The following RIMS2 variants were observed in gnomAD, a reference collection of about 807,000 sequenced individuals.
The protein encoded by RIMS2 is regulating synaptic membrane exocytosis protein 2.
RIMS2 carries 59 observed loss-of-function variants against 174.4 expected under a neutral mutation model. The ratio of observed to expected loss-of-function variants is 0.34; its 90% CI spans 0.27 to 0.42. RIMS2 has a LOEUF of 0.42. RIMS2 is among the 10% of genes least tolerant of loss of function. RIMS2 has a pLI of 1.00. For synonymous variants in RIMS2, 606 were observed against 572.5 expected, an observed-to-expected ratio of 1.06 and a Z score of -0.84; for missense variants, 1,620 against 1,666.3, an observed-to-expected ratio of 0.97 and a Z score of 0.48.
intron 1 of RIMS2, among the ~76,000 whole-genome samples, chr8:103,672,949 C>G (rs1049812215): frequency 4.6e-5 from 7 of 152,154 alleles, no homozygotes; most frequent in Admixed American, 4.6e-4. Context: ...TCCCACAGTA[C>G]AAGTGGGGTA....
chr8:103,632,714 C>T (rs1247973700), intron 1 of RIMS2, among the ~76,000 whole-genome samples: 2 of 149,856 alleles, frequency 1.3e-5, no homozygotes, highest in African/African-American at 2.5e-5. Flanking sequence ...AGCCACTGCG[C>T]CCGGCCATAT....
chr8:103,501,088 CCT>C, intron 1 of RIMS2, 26 bp downstream of exon 1: 2 of 1,539,492 alleles, frequency 1.3e-6, no homozygotes, highest in Non-Finnish European at 1.8e-6. Flanking sequence ...CATATTCCCG[CCT>C]CTCTCCCTGC....
At chr8:103,636,702 C>A (rs187552481) in intron 1 of RIMS2, among the ~76,000 whole-genome samples, 1 of 151,940 alleles carries the variant, frequency 6.6e-6, no homozygotes, top group Admixed American at 6.6e-5. Flanking sequence ...CCCTTCCTTT[C>A]CTTTCCTTGA....
chr8:104,214,014 T>C, intron 19 of RIMS2, among the ~76,000 whole-genome samples: 1 of 152,086 alleles, frequency 6.6e-6, no homozygotes, highest in East Asian at 1.9e-4. Flanking sequence ...CCTTTGCAAA[T>C]GTCTTTTCAT....
chr8:103,626,862 G>T (rs972498050), intron 1 of RIMS2, among the ~76,000 whole-genome samples: 4 of 152,106 alleles, frequency 2.6e-5, no homozygotes, highest in South Asian at 2.1e-4. Flanking sequence ...AGGTCACAAG[G>T]ATCACATGCT....
At chr8:103,812,103 T>G (rs1354125671) in intron 3 of RIMS2, among the ~76,000 whole-genome samples, 5 of 152,218 alleles carry the variant, frequency 3.3e-5, no homozygotes, top group Non-Finnish European at 5.9e-5. Context: ...CATGTTTTTT[T>G]TCAGCTGGCC....
intron 19 of RIMS2, among the ~76,000 whole-genome samples, chr8:104,119,123 G>A (rs1412054172): frequency 5.3e-5 from 8 of 151,556 alleles, no homozygotes; most frequent in Non-Finnish European, 8.8e-5. Flanking sequence ...CGAGGCGGGC[G>A]GATCATGAAG....
At chr8:103,923,243 C>A (rs1325848987) in intron 10 of RIMS2, among the ~76,000 whole-genome samples, 3 of 151,528 alleles carry the variant, frequency 2.0e-5, no homozygotes, top group Admixed American at 1.3e-4. Flanking sequence ...GCTGGATGAT[C>A]CCAGTCCATA....
chr8:103,629,396 A>G (rs1281429701), intron 1 of RIMS2, among the ~76,000 whole-genome samples: 1 of 152,232 alleles, frequency 6.6e-6, no homozygotes, highest in Non-Finnish European at 1.5e-5. Flanking sequence ...TAACTCCCGG[A>G]TTTTAGATTG....
chr8:103,684,227 C>G (rs755932193), intron 1 of RIMS2, among the ~76,000 whole-genome samples: 1 of 152,100 alleles, frequency 6.6e-6, no homozygotes, highest in Non-Finnish European at 1.5e-5. Context: ...TCTACTCCAG[C>G]CCCTGGCAAC....
chr8:104,182,502 A>G (rs2098945710), intron 19 of RIMS2, among the ~76,000 whole-genome samples: 1 of 151,708 alleles, frequency 6.6e-6, no homozygotes, highest in African/African-American at 2.4e-5. Context: ...AAGAAACCGC[A>G]TACCCTTTAG....
intron 3 of RIMS2, among the ~76,000 whole-genome samples, chr8:103,781,738 CTTTTTT>C (rs11308922): frequency 1.1e-5 from 1 of 88,492 alleles, no homozygotes. Context: ...CTCCCCTAAT[CTTTTTT>C]TTTTTTTTTT....
chr8:103,601,173 T>A (rs756914358), intron 1 of RIMS2, among the ~76,000 whole-genome samples: 7 of 152,234 alleles, frequency 4.6e-5, no homozygotes, highest in Non-Finnish European at 1.0e-4. Flanking sequence ...TGATTCAATT[T>A]GTTTATTGTA....
chr8:103,613,482 G>T (rs1174477209), intron 1 of RIMS2, among the ~76,000 whole-genome samples: 1 of 152,192 alleles, frequency 6.6e-6, no homozygotes, highest in East Asian at 1.9e-4. Flanking sequence ...GGCAGGTCCA[G>T]AAATTCTCTC....
chr8:103,599,834 T>C (rs2094635436), intron 1 of RIMS2, among the ~76,000 whole-genome samples: 1 of 152,152 alleles, frequency 6.6e-6, no homozygotes, highest in South Asian at 2.1e-4. Context: ...CAATGAATAG[T>C]AATCACATCA....
intron 3 of RIMS2, among the ~76,000 whole-genome samples, chr8:103,812,589 C>T (rs2098695764): frequency 6.6e-6 from 1 of 152,092 alleles, no homozygotes; most frequent in African/African-American, 2.4e-5. Context: ...ATCATGTTGG[C>T]CAGGCTGGTC....
intron 1 of RIMS2, among the ~76,000 whole-genome samples, chr8:103,567,501 T>A (rs560972059): frequency 6.6e-6 from 1 of 152,236 alleles, no homozygotes; most frequent in Non-Finnish European, 1.5e-5. Context: ...TGTATAGTAC[T>A]TTTTGTTTTC....
intron 14 of RIMS2, among the ~76,000 whole-genome samples, chr8:103,955,024 C>T (rs745406382): frequency 7.9e-5 from 12 of 152,152 alleles, no homozygotes; most frequent in Non-Finnish European, 4.4e-5. Flanking sequence ...TTCCTGGGCA[C>T]ATACACCCTC....
chr8:103,673,542 T>G (rs1336908246), intron 1 of RIMS2, among the ~76,000 whole-genome samples: 1 of 152,242 alleles, frequency 6.6e-6, no homozygotes, highest in Non-Finnish European at 1.5e-5. Context: ...TTCTTCAAAG[T>G]GTCAGCTCAA....
Sources: allele counts gnomAD v4.1 joint callset (sites outside exome capture counted in the v4.1 genomes callset), GRCh38; gene constraint gnomAD v4.1.1; transcripts MANE v1.5; gene names NCBI Gene and HGNC (gene_info 2026-07-23, HGNC 2026-07-21).